Variants in SGCD observed in about 807,000 individuals in gnomAD.
The protein encoded by SGCD is sarcoglycan delta, also known as delta-sarcoglycan.
SGCD carries 18 observed loss-of-function variants against 36.6 expected under a neutral mutation model. That is an observed-to-expected ratio of 0.49 (90% confidence interval 0.34 to 0.73). SGCD has a LOEUF of 0.73. SGCD is among the 30% of genes least tolerant of loss of function. The probability of loss-of-function intolerance (pLI) is 0.01; values close to 1 mark genes in which losing one functional copy is unlikely to be tolerated. For missense variants in SGCD, 387 were observed against 346.7 expected (o/e 1.12, Z -0.92); for synonymous variants, 133 against 130.6 (o/e 1.02, Z -0.12).
intron 1 of SGCD, among the ~76,000 whole-genome samples, chr5:155,969,722 G>T (rs1294727291): frequency 6.6e-6 from 1 of 152,036 alleles, no homozygotes; most frequent in African/African-American, 2.4e-5. Context: ...TCTTTCAGTT[G>T]TCCTGAGCAT....
intron 3 of SGCD, among the ~76,000 whole-genome samples, chr5:156,410,786 T>C (rs1360827204): frequency 1.3e-5 from 2 of 152,168 alleles, no homozygotes; most frequent in Admixed American, 1.3e-4. Flanking sequence ...ATCCCTTACA[T>C]GAGCTATTAG....
chr5:155,852,063 C>T, the SGCD span, among the ~76,000 whole-genome samples: 7 of 152,178 alleles, frequency 4.6e-5, no homozygotes, highest in African/African-American at 7.2e-5. Flanking sequence ...GAACCCCTGT[C>T]GTGGATAATG....
At chr5:156,410,283 G>A (rs1772669559) in intron 3 of SGCD, among the ~76,000 whole-genome samples, 1 of 151,878 alleles carries the variant, frequency 6.6e-6, no homozygotes, top group Non-Finnish European at 1.5e-5. Flanking sequence ...CAAAACATAG[G>A]AAGAGAAAAC....
At chr5:156,626,181 CT>C (rs562155560) in intron 6 of SGCD, among the ~76,000 whole-genome samples, 96 of 152,256 alleles carry the variant, frequency 6.3e-4, no homozygotes, top group African/African-American at 2.3e-3. Flanking sequence ...AAGCCGTGGG[CT>C]AGAGGAAAAG....
chr5:155,828,180 G>C, the SGCD span, among the ~76,000 whole-genome samples: 1 of 152,060 alleles, frequency 6.6e-6, no homozygotes, highest in Admixed American at 6.5e-5. Flanking sequence ...AACCATAATA[G>C]TAATAGCTAC....
At chr5:156,053,719 C>T (rs1207977728) in intron 1 of SGCD, among the ~76,000 whole-genome samples, 1 of 145,986 alleles carries the variant, frequency 6.8e-6, no homozygotes, top group East Asian at 1.9e-4. Flanking sequence ...ATCCAGTTTG[C>T]AAGATACCTT....
chr5:156,025,057 A>T (rs1018310528), intron 1 of SGCD, among the ~76,000 whole-genome samples: 5 of 152,238 alleles, frequency 3.3e-5, no homozygotes, highest in Admixed American at 1.3e-4. Flanking sequence ...ATTATTTTCC[A>T]TATTTCAGTG....
chr5:156,259,870 G>C (rs1454683796), intron 3 of SGCD, among the ~76,000 whole-genome samples: 2 of 152,126 alleles, frequency 1.3e-5, no homozygotes, highest in Non-Finnish European at 2.9e-5. Flanking sequence ...CGTTTGTCAT[G>C]TTATGAGGTT....
At chr5:155,857,780 T>C in the SGCD span, among the ~76,000 whole-genome samples, 1 of 152,204 alleles carries the variant, frequency 6.6e-6, no homozygotes, top group African/African-American at 2.4e-5. Context: ...TTAGTGTCTA[T>C]ATATTTAAAT....
intron 3 of SGCD, among the ~76,000 whole-genome samples, chr5:156,344,904 C>T (rs1768870105): frequency 6.6e-6 from 1 of 152,182 alleles, no homozygotes; most frequent in Non-Finnish European, 1.5e-5. Flanking sequence ...TATTTCCCTC[C>T]TTTAGAATCT....
intron 3 of SGCD, among the ~76,000 whole-genome samples, chr5:156,391,046 C>T (rs919521910): frequency 6.6e-6 from 1 of 152,198 alleles, no homozygotes. Flanking sequence ...CACTCACTCG[C>T]TGACTTACCC....
chr5:155,774,084 T>C, the SGCD span, among the ~76,000 whole-genome samples: 2 of 152,150 alleles, frequency 1.3e-5, no homozygotes, highest in African/African-American at 2.4e-5. Context: ...GGAGTCCATT[T>C]TGCCATTCAG....
chr5:156,654,868 C>A (rs1462138711), intron 7 of SGCD, among the ~76,000 whole-genome samples: 1 of 152,088 alleles, frequency 6.6e-6, no homozygotes, highest in East Asian at 1.9e-4. Flanking sequence ...ATAGTTACCA[C>A]AACTAAGAAA....
rs146047365 is a variant in SGCD, at chr5:155,935,250, A to T, written c.-282+64826A>T. 1.0e-3 allele frequency among the ~76,000 whole-genome samples: 156 copies of T among 152,248 alleles called. 1 individual carries two copies. Among genetic ancestry groups the T allele is most frequent in the African/African-American group, 3.6e-3 (151 of 41,542 alleles). ...TTGTATATCTTATTTAATCTTTACC[A>T]TATCCTAGTGACTTTTGTTTATTCA... On this transcript the variant is annotated intron_variant, in intron 1 of 9. Coordinates refer to the SGCD transcript ENST00000517913.
intron 2 of SGCD, among the ~76,000 whole-genome samples, chr5:156,122,843 T>TAAAAAAAAAAAAA (rs33983852): frequency 7.4e-5 from 4 of 54,166 alleles, no homozygotes; most frequent in African/African-American, 2.4e-4. Context: ...AAAGATGTGG[T>TAAAAAAAAAAAAA]AAAAAAAAAA....
chr5:155,757,017 G>T, the SGCD span, among the ~76,000 whole-genome samples: 271 of 152,314 alleles, frequency 1.8e-3, no homozygotes, highest in African/African-American at 6.3e-3. Context: ...GGTGATACCA[G>T]TCTATCAGCT....
chr5:156,207,689 A>T (rs1460875038), intron 3 of SGCD, among the ~76,000 whole-genome samples: 2 of 152,216 alleles, frequency 1.3e-5, no homozygotes. Flanking sequence ...ATTGATTGTT[A>T]TATACCATAG....
chr5:156,404,977 GC>G (rs1354322418), intron 3 of SGCD, among the ~76,000 whole-genome samples: 2 of 152,114 alleles, frequency 1.3e-5, no homozygotes, highest in African/African-American at 4.8e-5. Flanking sequence ...TGCAATTAAG[GC>G]TACTAATCAA....
upstream of SGCD, among the ~76,000 whole-genome samples, chr5:155,866,824 C>A (rs1442104650): frequency 6.6e-6 from 1 of 152,080 alleles, no homozygotes; most frequent in Non-Finnish European, 1.5e-5. Flanking sequence ...AACTTGGTCT[C>A]CCCTCCTCCC....
Sources: allele counts gnomAD v4.1 joint callset (sites outside exome capture counted in the v4.1 genomes callset), GRCh38; gene constraint gnomAD v4.1.1; transcripts MANE v1.5; gene names NCBI Gene and HGNC (gene_info 2026-07-23, HGNC 2026-07-21).